PCED1B: variants seen among roughly 807,000 people sequenced by gnomAD.
The protein encoded by PCED1B is PC-esterase domain-containing protein 1B.
For missense variants in PCED1B, 573 were observed against 573.9 expected (o/e 1.00, Z 0.02); for synonymous variants, 251 against 246.1 (o/e 1.02, Z -0.19).
intron 2 of PCED1B, among the ~76,000 whole-genome samples, chr12:47,208,031 G>GTT (rs143943412): frequency 4.0e-5 from 6 of 148,744 alleles, no homozygotes; most frequent in African/African-American, 1.5e-4. Context: ...AATTTGTTGG[G>GTT]TTTTTTTTTT....
At chr12:47,117,647 G>A (rs10881046) in intron 2 of PCED1B, among the ~76,000 whole-genome samples, 36,029 of 151,774 alleles carry the variant, frequency 0.24, 4,911 homozygotes, top group Non-Finnish European at 0.31. Flanking sequence ...GAATAGTGCC[G>A]CAATAAACAT....
intron 2 of PCED1B, among the ~76,000 whole-genome samples, chr12:47,214,255 A>C (rs1471518291): frequency 6.6e-6 from 1 of 152,222 alleles, no homozygotes; most frequent in East Asian, 1.9e-4. Flanking sequence ...CCACACACTG[A>C]ATAGACAGTG....
chr12:47,184,485 C>G (rs1166476427), intron 2 of PCED1B, among the ~76,000 whole-genome samples: 1 of 152,206 alleles, frequency 6.6e-6, no homozygotes, highest in African/African-American at 2.4e-5. Context: ...GCACACACCA[C>G]TGGTTCTAGC....
intron 2 of PCED1B, among the ~76,000 whole-genome samples, chr12:47,165,148 T>C (rs545285867): frequency 1.3e-5 from 2 of 152,356 alleles, no homozygotes; most frequent in South Asian, 4.1e-4. Flanking sequence ...TTTTCTACTG[T>C]CATCTTCTAA....
At chr12:47,154,364 GT>G (rs1347954939) in intron 2 of PCED1B, among the ~76,000 whole-genome samples, 1 of 151,818 alleles carries the variant, frequency 6.6e-6, no homozygotes, top group Non-Finnish European at 1.5e-5. Context: ...GGGAGCTGGG[GT>G]TTTGTTTTGT....
At chr12:47,116,700 T>A (rs1338197299) in intron 2 of PCED1B, among the ~76,000 whole-genome samples, 1 of 152,216 alleles carries the variant, frequency 6.6e-6, no homozygotes, top group East Asian at 1.9e-4. Flanking sequence ...TCCTGGACTG[T>A]GTTAATCATG....
intron 2 of PCED1B, among the ~76,000 whole-genome samples, chr12:47,175,846 A>G (rs1294180317): frequency 6.6e-6 from 1 of 151,888 alleles, no homozygotes. Flanking sequence ...TCCTGGGTTT[A>G]CAGGCGTGAG....
chr12:47,152,678 C>T (rs1941038787), intron 2 of PCED1B, among the ~76,000 whole-genome samples: 2 of 152,214 alleles, frequency 1.3e-5, no homozygotes, highest in African/African-American at 2.4e-5. Context: ...GGCCTATAAT[C>T]CCAGCACTTT....
chr12:47,234,837 C>A (rs1235406325), intron 3 of PCED1B, among the ~76,000 whole-genome samples, 170 bp from the exon 4 acceptor site: 1 of 152,246 alleles, frequency 6.6e-6, no homozygotes, highest in Non-Finnish European at 1.5e-5. Context: ...TCTCGCCAAT[C>A]TCCCAGGTCC....
At chr12:47,132,303 T>C (rs1425232831) in intron 2 of PCED1B, among the ~76,000 whole-genome samples, 2 of 151,962 alleles carry the variant, frequency 1.3e-5, no homozygotes, top group African/African-American at 4.8e-5. Flanking sequence ...CACAAAACCA[T>C]TATATTGATT....
chr12:47,106,090 AC>A (rs1938935020), intron 2 of PCED1B, among the ~76,000 whole-genome samples: 1 of 152,144 alleles, frequency 6.6e-6, no homozygotes, highest in Non-Finnish European at 1.5e-5. Flanking sequence ...ACCCACAGTC[AC>A]CCAGCAGGTG....
chr12:47,097,770 A>G (rs1255941989), intron 1 of PCED1B, among the ~76,000 whole-genome samples: 1 of 152,166 alleles, frequency 6.6e-6, no homozygotes, highest in Non-Finnish European at 1.5e-5. Flanking sequence ...TGCTTGCTAC[A>G]GTTTTCGGAT....
chr12:47,084,179 C>A (rs1937871456), intron 1 of PCED1B, among the ~76,000 whole-genome samples: 1 of 152,148 alleles, frequency 6.6e-6, no homozygotes, highest in South Asian at 2.1e-4. Context: ...TAAATGTGCA[C>A]AGAACACTTA....
intron 2 of PCED1B, among the ~76,000 whole-genome samples, chr12:47,143,435 A>G (rs1940671587): frequency 6.6e-6 from 1 of 152,102 alleles, no homozygotes; most frequent in Non-Finnish European, 1.5e-5. Context: ...AGCTTACATG[A>G]ATAAAAAACT....
At chr12:47,085,785 T>C (rs1388406840) in intron 1 of PCED1B, among the ~76,000 whole-genome samples, 2 of 152,222 alleles carry the variant, frequency 1.3e-5, no homozygotes, top group African/African-American at 4.8e-5. Context: ...TAGAGTCCTT[T>C]GTGAGAAGAA....
chr12:47,083,573 T>C, intron 1 of PCED1B, among the ~76,000 whole-genome samples: 1 of 152,206 alleles, frequency 6.6e-6, no homozygotes, highest in East Asian at 1.9e-4. Context: ...CCTGCTCCAG[T>C]TGGTTTTTGT....
chr12:47,224,666 G>A (rs1008777068), intron 3 of PCED1B, among the ~76,000 whole-genome samples: 53 of 152,094 alleles, frequency 3.5e-4, no homozygotes, highest in Admixed American at 3.0e-3. Context: ...AGACTACCTG[G>A]ATAACCAACT....
chr12:47,217,515 AG>A (rs373431237), intron 3 of PCED1B, among the ~76,000 whole-genome samples: 56 of 71,468 alleles, frequency 7.8e-4, no homozygotes, highest in African/African-American at 4.3e-3. Flanking sequence ...AAAGAAAGAA[AG>A]AAGAAAGAGA....
chr12:47,108,682 C>G (rs1939061786), intron 2 of PCED1B, among the ~76,000 whole-genome samples: 1 of 152,198 alleles, frequency 6.6e-6, no homozygotes, highest in Non-Finnish European at 1.5e-5. Context: ...TCTTTAGAAT[C>G]AGTCCAAGGC....
Sources: gnomAD v4.1 joint callset for allele counts (sites outside exome capture counted in the v4.1 genomes callset) on GRCh38, gnomAD v4.1.1 for gene constraint, MANE v1.5 for transcripts, NCBI Gene and HGNC (gene_info 2026-07-23, HGNC 2026-07-21) for gene names.